Variants in SERPINH1 observed in about 807,000 individuals in gnomAD.
SERPINH1 encodes the protein serpin family H member 1, also known as serpin H1.
SERPINH1 carries 22 observed loss-of-function variants against 32.3 expected under a neutral mutation model. The observed-to-expected ratio is 0.68, with a 90% CI of 0.49 to 0.97. The LOEUF (loss-of-function observed/expected upper bound fraction) is 0.97, where lower values mean the gene tolerates loss of function less well. SERPINH1 is among the 50% of genes least tolerant of loss of function. The probability of loss-of-function intolerance (pLI) is 0.00; values close to 1 mark genes in which losing one functional copy is unlikely to be tolerated. For missense variants in SERPINH1, 543 were observed against 576.4 expected (o/e 0.94, Z 0.59); for synonymous variants, 251 against 245.9 (o/e 1.02, Z -0.19).
rs193178770 is a variant in SERPINH1 at position 75,571,207 on chromosome 11, C to T, written c.955-574C>T. Among the ~76,000 whole-genome samples the T allele has an allele frequency of 1.8e-4, 28 of 152,296 alleles. No homozygotes were observed. The South Asian group carries it at 3.5e-3, about 19-fold the overall frequency. On this transcript the variant is annotated intron_variant, in intron 4 of 4. Transcript: ENST00000358171. Reference sequence around the variant, plus strand: ...CGCCCAGCTTCAAGCATTATCAGCTCATGGCCAATAGTGATCCATTTATAC... The same window carrying T: ...CGCCCAGCTTCAAGCATTATCAGCTTATGGCCAATAGTGATCCATTTATAC...
chr11:75,566,666 A>T lies in SERPINH1; in HGVS notation c.317A>T (p.Glu106Val), dbSNP rs1219793193. 6.2e-7 allele frequency: 1 copy of T among 1,608,436 alleles called. No individual in the cohort carries two copies. The highest frequency in any genetic ancestry group is 8.5e-7 in the Non-Finnish European group (1 of 1,178,226). Residue 106 changes from glutamate (E) to valine (V), a missense_variant, in exon 2 of 5, where the codon GAG becomes GTG. Transcript: ENST00000358171. ...AGCGCCGAGCAGCTGCGCGACGAGG[A>T]GGTGCACGCCGGCCTGGGCGAGCTG... Reference protein sequence around the residue: ...VLSAEQLRDEEVHAGLGELLR... With the variant: ...VLSAEQLRDEVVHAGLGELLR...
At chr11:75,568,902 C>T in intron 3 of SERPINH1, 37 bp from the exon 4 acceptor site, 1 of 1,607,234 alleles carries the variant, frequency 6.2e-7, no homozygotes, top group Non-Finnish European at 8.5e-7. Flanking sequence ...CACCCCTGCA[C>T]ACAGGGTGCC....
rs1565241996 is a variant in SERPINH1 at position 75,566,910 on chromosome 11, G to T, written c.561G>T (p.Glu187Asp). The change falls in exon 2 of 5, where the codon GAG becomes GAT. Residue 187 changes from glutamate to aspartate, a missense_variant. Transcript: ENST00000358171. ...AGACCACCGACGGCAAGCTGCCCGA[G>T]GTCACCAAGGACGTGGAGCGCACGG... Reference protein sequence around the residue: ...AAQTTDGKLPEVTKDVERTDG... With the variant: ...AAQTTDGKLPDVTKDVERTDG... The T allele has an allele frequency of 6.2e-7, 1 of 1,607,760 alleles. No homozygotes were observed. Among genetic ancestry groups the T allele is most frequent in the Admixed American group, 1.7e-5 (1 of 60,016 alleles).
chr11:75,566,458 A>C lies in SERPINH1; in HGVS notation c.109A>C (p.Ser37Arg). Residue 37 changes from serine (S) to arginine (R), a missense_variant, in exon 2 of 5, where the codon AGC becomes CGC. Ser to Arg is a moderately radical substitution (Grantham distance 110, BLOSUM62 -1). Coordinates refer to ENST00000358171, the MANE Select transcript of SERPINH1 (RefSeq NM_001235.5). ...AAAPGTAEKLSPKAATLAERS... is the reference protein window; with the variant it reads ...AAAPGTAEKLRPKAATLAERS... Reference sequence around the variant, plus strand: ...AGCTCCTGGCACTGCGGAGAAGTTGAGCCCCAAGGCGGCCACGCTTGCCGA... The same window carrying C: ...AGCTCCTGGCACTGCGGAGAAGTTGCGCCCCAAGGCGGCCACGCTTGCCGA... 1.9e-6 allele frequency: 3 copies of C among 1,612,440 alleles called. No individual in the cohort carries two copies. The highest frequency in any genetic ancestry group is 2.5e-6 in the Non-Finnish European group (3 of 1,179,852).
chr11:75,572,499 T>G lies in SERPINH1; in HGVS notation c.*416T>G. ...CTGCCTCCCCAGCTCTATCCCAACC[T>G]CTCCCAACTATAAAACTAGGTGCTG... On this transcript the variant is annotated 3_prime_UTR_variant, in exon 5 of 5. Coordinates refer to ENST00000358171, the MANE Select transcript of SERPINH1 (RefSeq NM_001235.5). The G allele has an allele frequency of 1.2e-5, 3 of 260,028 alleles. No homozygotes were observed. Among genetic ancestry groups the G allele is most frequent in the Non-Finnish European group, 1.5e-5 (2 of 132,440 alleles). The allele number at this position is 260,028 out of a possible 1,614,324, so 16.1% of individuals were successfully genotyped here.
chr11:75,566,929 C>G lies in SERPINH1; in HGVS notation c.580C>G (p.Arg194Gly). 6.2e-7 allele frequency: 1 copy of G among 1,605,100 alleles called. No homozygotes were observed. The highest frequency in any genetic ancestry group is 1.1e-5 in the South Asian group (1 of 91,042). ...GCCCGAGGTCACCAAGGACGTGGAG[C>G]GCACGGACGGCGCCCTGCTAGTCAA... is the stretch of plus-strand genomic sequence containing the variant. ...KLPEVTKDVE[R>G]TDGALLVNAM... Residue 194 changes from arginine to glycine, a missense_variant, in exon 2 of 5, where the codon CGC (arginine) becomes GGC (glycine). Coordinates refer to ENST00000358171, the MANE Select transcript of SERPINH1 (RefSeq NM_001235.5).
chr11:75,569,284 C>A, intron 4 of SERPINH1, 113 bp downstream of exon 4: 1 of 741,074 alleles, frequency 1.3e-6, no homozygotes, highest in Non-Finnish European at 2.3e-6. Context: ...GATGTCCAGG[C>A]AGTGCTGGGC....
intron 4 of SERPINH1, 170 bp downstream of exon 4, chr11:75,569,341 G>C: frequency 1.6e-6 from 1 of 609,564 alleles, no homozygotes; most frequent in Non-Finnish European, 2.9e-6. Flanking sequence ...CATGCCCTTG[G>C]GAAGATGATG....
rs1942090607 is a variant in SERPINH1, at chr11:75,566,768, T to G, written c.419T>G (p.Val140Gly). ...AGCCGACTGTACGGACCCAGCTCAG[T>G]GAGCTTCGCTGATGACTTCGTGCGC... ...LGSRLYGPSS[V>G]SFADDFVRSS... is the part of the protein sequence containing the mutation. The change falls in exon 2 of 5, where the codon GTG becomes GGG. Residue 140 changes from valine to glycine, a missense_variant. Physicochemically the swap from Val to Gly is moderately radical, Grantham distance 109. Transcript: ENST00000358171. 1.2e-6 allele frequency: 2 copies of G among 1,613,100 alleles called. No individual in the cohort carries two copies. The highest frequency in any genetic ancestry group is 2.2e-5 in the South Asian group (2 of 91,092).
intron 1 of SERPINH1, among the ~76,000 whole-genome samples, chr11:75,565,262 G>C (rs1211900928): frequency 1.3e-5 from 2 of 152,232 alleles, no homozygotes; most frequent in African/African-American, 4.8e-5. Flanking sequence ...GTGGCTGTCA[G>C]ATTGGAGGGC....
chr11:75,565,422 G>A (rs653724), intron 1 of SERPINH1, among the ~76,000 whole-genome samples: 50,342 of 151,886 alleles, frequency 0.33, 8,578 homozygotes, highest in South Asian at 0.48. Flanking sequence ...ATGTCAGGAA[G>A]CCTCCTCCCC....
intron 4 of SERPINH1, among the ~76,000 whole-genome samples, chr11:75,570,203 C>A (rs1363013968): frequency 6.6e-6 from 1 of 152,170 alleles, no homozygotes; most frequent in East Asian, 1.9e-4. Context: ...ACTTTCGTGT[C>A]ATTCTTTCCT....
rs940435486 is a variant in SERPINH1 at position 75,562,292 on chromosome 11, G to C, written c.-62G>C. 23 of 152,158 alleles carry C rather than the reference G, an allele frequency of 1.5e-4. No individual in the cohort carries two copies. Among genetic ancestry groups the C allele is most frequent in the African/African-American group, 5.3e-4 (22 of 41,372 alleles). The allele number at this position is 152,158 out of a possible 1,614,324, so 9.4% of individuals were successfully genotyped here. A position where few individuals can be genotyped will look rare whatever the true frequency, so the allele number is the denominator to read the frequency against. On this transcript the variant is annotated 5_prime_UTR_variant, in exon 1 of 5. Transcript: ENST00000358171. The stretch of plus-strand genomic sequence containing the variant: ...GTCGCGGCTCGAGAGCGAGAGTCAC[G>C]TCCCGGCGCTAGCCCAGCCCGACCC...
Position 75,571,923 on chromosome 11 carries a change from T to C in SERPINH1, c.1097T>C (p.Phe366Ser), listed in dbSNP as rs747009311. 6.2e-7 allele frequency: 1 copy of C among 1,614,192 alleles called. No individual in the cohort carries two copies. The highest frequency in any genetic ancestry group is 8.5e-7 in the Non-Finnish European group (1 of 1,180,028). ...GAGTTGGACACAGATGGCAACCCCT[T>C]TGACCAGGACATCTACGGGCGCGAG... ...AFELDTDGNPFDQDIYGREEL... is the reference protein window; with the variant it reads ...AFELDTDGNPSDQDIYGREEL... The change falls in exon 5 of 5, where the codon TTT becomes TCT. Residue 366 changes from phenylalanine to serine, a missense_variant. Phe to Ser is a radical substitution (Grantham distance 155). Transcript: ENST00000358171.
In SERPINH1 at chr11:75,571,974, A is replaced by C; in HGVS notation, c.1148A>C (p.Tyr383Ser). 6.2e-7 allele frequency: 1 copy of C among 1,614,180 alleles called. No homozygotes were observed. Among genetic ancestry groups the C allele is most frequent in the Non-Finnish European group, 8.5e-7 (1 of 1,180,038 alleles). ...REELRSPKLF[Y>S]ADHPFIFLVR... ...GAGCTGCGCAGCCCCAAGCTGTTCTACGCCGACCACCCCTTCATCTTCCTA... is the reference window on the plus strand; with the variant it reads ...GAGCTGCGCAGCCCCAAGCTGTTCTCCGCCGACCACCCCTTCATCTTCCTA... The change falls in exon 5 of 5, where the codon TAC becomes TCC. Residue 383 changes from tyrosine to serine, a missense_variant. Physicochemically the swap from Tyr to Ser is moderately radical, Grantham distance 144. This residue lies in a region of SERPINH1 where 427 missense variants were observed against 446.4 expected (regional missense o/e 0.96). Coordinates refer to ENST00000358171, the MANE Select transcript of SERPINH1 (RefSeq NM_001235.5).
intron 2 of SERPINH1, 59 bp downstream of exon 2, chr11:75,567,030 T>C: frequency 1.9e-6 from 3 of 1,549,404 alleles, no homozygotes; most frequent in Non-Finnish European, 2.6e-6. Context: ...CTGCAAGAGT[T>C]AGGACGACAT....
rs1426706602 is a variant in SERPINH1 at position 75,571,770 on chromosome 11, TG to T, written c.955-10del. The T allele has an allele frequency of 1.9e-6, 3 of 1,612,806 alleles. No homozygotes were observed. The African/African-American group carries it at 4.0e-5, about 22-fold the overall frequency. On this transcript the variant is annotated splice_polypyrimidine_tract_variant and intron_variant, in intron 4 of 4. Coordinates refer to ENST00000358171, the MANE Select transcript of SERPINH1 (RefSeq NM_001235.5). ...CATGGCCTCACCTGGCACACCTCCT[TG>T]TTCCCACAGAAACACCTGGCTGGGC... is the stretch of plus-strand genomic sequence containing the variant.
At chr11:75,565,530 A>G (rs1942059082) in intron 1 of SERPINH1, among the ~76,000 whole-genome samples, 1 of 152,100 alleles carries the variant, frequency 6.6e-6, no homozygotes. Context: ...TGGGCATTCC[A>G]AGTTCCTGCC....
rs750157727 is a variant in SERPINH1 at position 75,568,824 on chromosome 11, G to T, written c.716G>T (p.Arg239Leu). 3 of 1,611,850 alleles carry T rather than the reference G, an allele frequency of 1.9e-6. No individual in the cohort carries two copies. The South Asian group carries it at 3.3e-5, about 18-fold the overall frequency. ...ACCGTGGGTGTCATGATGATGCACC[G>T]GACAGGTAGGTGCTGTGAGGAGCAG... ...SYTVGVMMMH[R>L]TGLYNYYDDE... Residue 239 changes from arginine (R) to leucine (L), a missense_variant, in exon 3 of 5, where the codon CGG (arginine) becomes CTG (leucine). Transcript: ENST00000358171.
Sources: allele counts gnomAD v4.1 joint callset (sites outside exome capture counted in the v4.1 genomes callset), GRCh38; gene constraint gnomAD v4.1.1; regional missense constraint gnomAD v4.1.1; transcripts MANE v1.5; gene names NCBI Gene and HGNC (gene_info 2026-07-23, HGNC 2026-07-21).